The following SHTN1 variants were observed in gnomAD, a reference collection of about 807,000 sequenced individuals.
SHTN1 encodes the protein shootin-1.
A neutral mutation model predicts 83.1 loss-of-function variants in SHTN1; 42 were observed. The ratio of observed to expected loss-of-function variants is 0.51; its 90% CI spans 0.39 to 0.65. SHTN1 has a LOEUF of 0.65. Ranked by LOEUF, SHTN1 falls within the 30% of genes least tolerant of loss-of-function variation. The probability of loss-of-function intolerance (pLI) is 0.00; values close to 1 mark genes in which losing one functional copy is unlikely to be tolerated. For synonymous variants in SHTN1, 224 were observed against 247.7 expected (o/e 0.90, Z 0.90); for missense variants, 622 against 737.8 (o/e 0.84, Z 1.82).
chr10:117,061,573 G>A (rs1026205007), intron 1 of SHTN1, among the ~76,000 whole-genome samples: 2 of 151,628 alleles, frequency 1.3e-5, no homozygotes, highest in African/African-American at 4.9e-5. Context: ...GGGTTCAAGC[G>A]ATTCTCCTGC....
At chr10:117,110,257 A>G (rs938185541) in intron 1 of SHTN1, among the ~76,000 whole-genome samples, 1 of 152,224 alleles carries the variant, frequency 6.6e-6, no homozygotes, top group Non-Finnish European at 1.5e-5. Flanking sequence ...AATCCTCTAT[A>G]AAACAACCCC....
At chr10:117,007,323 C>T (rs1390740655), upstream of SHTN1, among the ~76,000 whole-genome samples, 1 of 151,670 alleles carries the variant, frequency 6.6e-6, no homozygotes, top group Non-Finnish European at 1.5e-5. Flanking sequence ...CACAAAGTTC[C>T]ATTTTTTTTT....
intron 1 of SHTN1, among the ~76,000 whole-genome samples, chr10:117,069,102 C>T (rs1168136666): frequency 1.3e-5 from 2 of 152,138 alleles, no homozygotes; most frequent in Admixed American, 6.5e-5. Flanking sequence ...ACCATGAAAA[C>T]TCTGCTGCAA....
intron 1 of SHTN1, among the ~76,000 whole-genome samples, chr10:117,095,893 G>A (rs576619318): frequency 6.6e-6 from 1 of 152,294 alleles, no homozygotes; most frequent in Admixed American, 6.5e-5. Context: ...CCTTGCAGTT[G>A]AGGGAGCTGA....
chr10:117,100,022 A>G (rs1443343177), intron 1 of SHTN1, among the ~76,000 whole-genome samples: 1 of 151,962 alleles, frequency 6.6e-6, no homozygotes, highest in African/African-American at 2.4e-5. Context: ...TACTAAAAAT[A>G]TAAAATTAGC....
intron 2 of SHTN1, among the ~76,000 whole-genome samples, chr10:116,975,865 A>G (rs1022970553): frequency 1.3e-5 from 2 of 152,224 alleles, no homozygotes; most frequent in African/African-American, 4.8e-5. Flanking sequence ...TTGATTTGAT[A>G]CTTATATTCA....
At chr10:116,919,942 C>A (rs1417644747) in intron 12 of SHTN1, among the ~76,000 whole-genome samples, 1 of 152,086 alleles carries the variant, frequency 6.6e-6, no homozygotes, top group Non-Finnish European at 1.5e-5. Flanking sequence ...TAAGTCCAAA[C>A]TTCAATTCAT....
At chr10:116,901,566 T>C (rs1185936719) in intron 16 of SHTN1, 199 bp downstream of exon 16, 2 of 985,282 alleles carry the variant, frequency 2.0e-6, no homozygotes, top group African/African-American at 3.5e-5. Flanking sequence ...TCTTTGTACA[T>C]GGTACTTGCT....
intron 9 of SHTN1, among the ~76,000 whole-genome samples, chr10:116,932,238 T>G (rs1848997830): frequency 6.6e-6 from 1 of 152,222 alleles, no homozygotes; most frequent in African/African-American, 2.4e-5. Context: ...GGACTGGTAC[T>G]GGTCCATGGC....
chr10:117,018,500 T>C (rs1439614092), intron 2 of SHTN1, among the ~76,000 whole-genome samples: 1 of 84,166 alleles, frequency 1.2e-5, no homozygotes, highest in African/African-American at 4.3e-5. Context: ...TGTATGTGTA[T>C]TTTTTTTAAA....
chr10:116,961,646 A>T (rs1177664317), intron 3 of SHTN1, among the ~76,000 whole-genome samples: 3 of 152,182 alleles, frequency 2.0e-5, no homozygotes, highest in African/African-American at 7.2e-5. Flanking sequence ...AGCACCCAAC[A>T]ATCGGCTTGG....
At chr10:116,919,199 T>G (rs146976967) in intron 12 of SHTN1, among the ~76,000 whole-genome samples, 1 of 152,350 alleles carries the variant, frequency 6.6e-6, no homozygotes, top group Non-Finnish European at 1.5e-5. Context: ...TAATTCATCA[T>G]GCATTTAATT....
At chr10:117,101,459 A>G (rs1266420273) in intron 1 of SHTN1, among the ~76,000 whole-genome samples, 2 of 152,246 alleles carry the variant, frequency 1.3e-5, no homozygotes, top group African/African-American at 4.8e-5. Context: ...AGCCAGAGCC[A>G]TTGTCCAGGA....
Position 116,886,551 on chromosome 10 carries a change from A to G in SHTN1, c.1689T>C (p.Ile563=), listed in dbSNP as rs1478736069. 1 of 1,614,154 alleles carries G rather than the reference A, an allele frequency of 6.2e-7. No individual in the cohort carries two copies. Among genetic ancestry groups the G allele is most frequent in the South Asian group, 1.1e-5 (1 of 91,082 alleles). The change falls in exon 17 of 17, where the codon ATT becomes ATC. Residue 563 remains isoleucine, a synonymous_variant. Transcript: ENST00000355371. The part of the protein sequence containing the change: ...SKVTFQPPSS[I]GCRKKYIDGE... Reference sequence around the variant, plus strand: ...CGTCAATGTATTTTTTCCTGCATCCAATGCTACTGGGAGGCCTATGAGATG... The same window carrying G: ...CGTCAATGTATTTTTTCCTGCATCCGATGCTACTGGGAGGCCTATGAGATG...
intron 1 of SHTN1, among the ~76,000 whole-genome samples, chr10:116,993,322 CAT>C (rs1851513229): frequency 1.3e-5 from 2 of 151,916 alleles, no homozygotes; most frequent in South Asian, 4.2e-4. Flanking sequence ...GGCCTGTATA[CAT>C]GTTTTCATAT....
At chr10:116,899,537 G>C (rs1847649746) in intron 16 of SHTN1, among the ~76,000 whole-genome samples, 1 of 88,528 alleles carries the variant, frequency 1.1e-5, no homozygotes, top group South Asian at 4.0e-4. Context: ...GTGTGTGTGT[G>C]TGTGTGTGTG....
At chr10:117,060,031 C>G (rs141711270) in intron 1 of SHTN1, among the ~76,000 whole-genome samples, 55 of 152,130 alleles carry the variant, frequency 3.6e-4, no homozygotes, top group African/African-American at 1.2e-3. Flanking sequence ...GGCAATACAG[C>G]CAAACTCCAT....
chr10:117,028,078 C>A (rs1310849937), intron 2 of SHTN1, among the ~76,000 whole-genome samples: 1 of 152,132 alleles, frequency 6.6e-6, no homozygotes, highest in Non-Finnish European at 1.5e-5. Context: ...GAGGAACTTA[C>A]TGGGAACTGG....
At chr10:116,927,350 A>G (rs1193337824) in intron 11 of SHTN1, among the ~76,000 whole-genome samples, 1 of 152,168 alleles carries the variant, frequency 6.6e-6, no homozygotes. Context: ...GCTAATAAAG[A>G]TATACCCGAG....
Sources: allele counts gnomAD v4.1 joint callset (sites outside exome capture counted in the v4.1 genomes callset), GRCh38; gene constraint gnomAD v4.1.1; transcripts MANE v1.5; gene names NCBI Gene and HGNC (gene_info 2026-07-23, HGNC 2026-07-21).